WDPCP: variants seen among roughly 807,000 people sequenced by gnomAD.
WDPCP encodes WD repeat-containing and planar cell polarity effector protein fritz homolog.
A neutral mutation model predicts 93.1 loss-of-function variants in WDPCP; 71 were observed. The observed-to-expected ratio is 0.76, with a 90% CI of 0.63 to 0.93. The LOEUF is 0.93. Among genes scored for constraint, WDPCP ranks in the 40% least tolerant of loss-of-function variants. WDPCP has a pLI of 0.00. For missense variants in WDPCP, 844 were observed against 887.4 expected (o/e 0.95, Z 0.62); for synonymous variants, 315 against 315.0 (o/e 1.00, Z 0.00).
intron 9 of WDPCP, among the ~76,000 whole-genome samples, chr2:63,413,695 G>C (rs1170816610): frequency 6.6e-6 from 1 of 152,290 alleles, no homozygotes; most frequent in African/African-American, 2.4e-5. Context: ...CTACTCAGGA[G>C]GCTGAGGCAG....
chr2:63,208,303 G>A (rs1427543454), intron 14 of WDPCP, among the ~76,000 whole-genome samples: 2 of 152,114 alleles, frequency 1.3e-5, no homozygotes, highest in Non-Finnish European at 2.9e-5. Flanking sequence ...ATGGAAAACT[G>A]CCTTTTCTGT....
At chr2:63,796,537 G>T (rs2104019507) in intron 2 of WDPCP, among the ~76,000 whole-genome samples, 1 of 152,334 alleles carries the variant, frequency 6.6e-6, no homozygotes, top group East Asian at 1.9e-4. Flanking sequence ...GGCACAAAGA[G>T]ATAATCTGTG....
chr2:63,180,312 T>C (rs1674145487), intron 14 of WDPCP, among the ~76,000 whole-genome samples: 1 of 152,150 alleles, frequency 6.6e-6, no homozygotes, highest in Non-Finnish European at 1.5e-5. Flanking sequence ...ATATACATAG[T>C]ACCCATTAAT....
At chr2:63,356,275 T>C (rs569669920) in intron 12 of WDPCP, among the ~76,000 whole-genome samples, 2 of 152,320 alleles carry the variant, frequency 1.3e-5, no homozygotes, top group African/African-American at 2.4e-5. Context: ...CAGATTCATA[T>C]AGCAAGCTCT....
chr2:63,837,345 C>T, the WDPCP span, among the ~76,000 whole-genome samples: 312 of 152,324 alleles, frequency 2.0e-3, no homozygotes, highest in African/African-American at 7.0e-3. Flanking sequence ...CAACTGCTGA[C>T]TGAGTAACAG....
chr2:63,406,728 A>G (rs989161542), intron 9 of WDPCP, among the ~76,000 whole-genome samples: 2 of 152,180 alleles, frequency 1.3e-5, no homozygotes, highest in African/African-American at 4.8e-5. Flanking sequence ...TAATGTACTG[A>G]GGGGAACTTA....
Position 63,566,021 on chromosome 2 carries a change from C to T in WDPCP, c.75+22176G>A, listed in dbSNP as rs572024763. Among the ~76,000 whole-genome samples, 9 of 152,350 alleles carry T rather than the reference C, an allele frequency of 5.9e-5. No homozygotes were observed. The East Asian group carries it at 1.7e-3, about 29-fold the overall frequency. On this transcript the variant is annotated intron_variant, in intron 1 of 17. Coordinates refer to ENST00000272321, the MANE Select transcript of WDPCP (RefSeq NM_015910.7). ...TATACTCAGTACTTTCTCTATGCTA[C>T]AGACAGATCCTTTAAGATATAAAAT... is the stretch of plus-strand genomic sequence containing the variant.
At chr2:63,490,592 C>G (rs1359080617) in intron 2 of WDPCP, among the ~76,000 whole-genome samples, 1 of 152,192 alleles carries the variant, frequency 6.6e-6, no homozygotes, top group East Asian at 1.9e-4. Flanking sequence ...AAGAATGTCC[C>G]AATAGAGAGA....
intron 14 of WDPCP, among the ~76,000 whole-genome samples, chr2:63,226,814 T>C (rs1678331299): frequency 6.6e-6 from 1 of 151,956 alleles, no homozygotes; most frequent in African/African-American, 2.4e-5. Flanking sequence ...TTTACTTCTT[T>C]CTTGGAAGCA....
At chr2:63,368,639 TAA>T (rs543071951) in intron 12 of WDPCP, among the ~76,000 whole-genome samples, 6 of 141,982 alleles carry the variant, frequency 4.2e-5, no homozygotes, top group Admixed American at 1.4e-4. Context: ...TTTATTTAAT[TAA>T]AAAAAAAAAA....
At chr2:63,752,542 G>T in intron 2 of WDPCP, 1 of 688,326 alleles carries the variant, frequency 1.5e-6, no homozygotes, top group East Asian at 2.6e-5. Context: ...GCTCAGAATG[G>T]CTCCTCAGCC....
intron 3 of WDPCP, chr2:63,606,995 AT>A: frequency 6.2e-7 from 1 of 1,607,672 alleles, no homozygotes; most frequent in Non-Finnish European, 8.5e-7. Context: ...TGACTAGACA[AT>A]GATGTTACTA....
At chr2:63,378,311 A>G in intron 12 of WDPCP, 75 bp downstream of exon 12, 1 of 1,596,356 alleles carries the variant, frequency 6.3e-7, no homozygotes, top group Non-Finnish European at 8.6e-7. Context: ...TTACTATGGA[A>G]TATTTTAATT....
At chr2:63,279,625 GA>G (rs2104923143) in intron 13 of WDPCP, among the ~76,000 whole-genome samples, 1 of 152,272 alleles carries the variant, frequency 6.6e-6, no homozygotes, top group African/African-American at 2.4e-5. Context: ...TCAGACAAGA[GA>G]AAGAAATCAA....
At chr2:63,712,428 G>T (rs1236835420) in intron 2 of WDPCP, among the ~76,000 whole-genome samples, 7 of 152,156 alleles carry the variant, frequency 4.6e-5, no homozygotes, top group Admixed American at 1.3e-4. Context: ...AACTCCCATA[G>T]CAAGAATAAT....
At chr2:63,818,604 A>C (rs1670973389) in intron 1 of WDPCP, among the ~76,000 whole-genome samples, 1 of 152,226 alleles carries the variant, frequency 6.6e-6, no homozygotes, top group Admixed American at 6.5e-5. Flanking sequence ...TGAATGCATC[A>C]CTACTTAGCA....
intron 12 of WDPCP, among the ~76,000 whole-genome samples, chr2:63,371,269 A>G (rs1451366654): frequency 2.0e-5 from 3 of 152,086 alleles, no homozygotes; most frequent in Non-Finnish European, 4.4e-5. Context: ...AACCTTTAAT[A>G]TGTTCAAAAT....
chr2:63,231,545 C>A (rs1025052758), intron 14 of WDPCP, among the ~76,000 whole-genome samples: 4 of 152,110 alleles, frequency 2.6e-5, no homozygotes, highest in African/African-American at 9.7e-5. Flanking sequence ...AACAGACAAG[C>A]CGAGAGCCAA....
At chr2:63,700,603 T>C (rs535469256) in intron 2 of WDPCP, among the ~76,000 whole-genome samples, 1 of 152,320 alleles carries the variant, frequency 6.6e-6, no homozygotes, top group African/African-American at 2.4e-5. Context: ...AAAATTTTGT[T>C]ATTCTTTTTC....
Sources: gnomAD v4.1 joint callset for allele counts (sites outside exome capture counted in the v4.1 genomes callset) on GRCh38, gnomAD v4.1.1 for gene constraint, MANE v1.5 for transcripts, NCBI Gene and HGNC (gene_info 2026-07-23, HGNC 2026-07-21) for gene names.